ZBTB44: variants seen among roughly 807,000 people sequenced by gnomAD.
The protein encoded by ZBTB44 is zinc finger and BTB domain-containing protein 44.
In ZBTB44, 15 loss-of-function variants were observed where a neutral mutation model predicts 54.0. The observed-to-expected ratio is 0.28, with a 90% confidence interval of 0.19 to 0.43. The LOEUF is 0.43. ZBTB44 is among the 20% of genes least tolerant of loss of function. The probability of loss-of-function intolerance (pLI) is 1.00; values close to 1 mark genes in which losing one functional copy is unlikely to be tolerated. For synonymous variants in ZBTB44, 230 were observed against 250.1 expected (o/e 0.92, Z 0.76); for missense variants, 487 against 707.1 (o/e 0.69, Z 3.53).
In ZBTB44 at chr11:130,229,488, C is replaced by T. The variant is rs1392564767; in HGVS notation, c.*2276G>A. Reference sequence around the variant, plus strand: ...TATTGCTTTTGGCTAATTCATCTTGCTGAGGACTTTCCAAATAAAAATACT... The same window carrying T: ...TATTGCTTTTGGCTAATTCATCTTGTTGAGGACTTTCCAAATAAAAATACT... On this transcript the variant is annotated 3_prime_UTR_variant, in exon 8 of 8. Coordinates refer to ENST00000357899, the MANE Select transcript of ZBTB44 (RefSeq NM_001301098.2). The T allele has an allele frequency of 1.3e-5, 2 of 152,100 alleles. No homozygotes were observed. Among genetic ancestry groups the T allele is most frequent in the Non-Finnish European group, 2.9e-5 (2 of 68,006 alleles). The allele number at this position is 152,100 out of a possible 1,614,324, so 9.4% of individuals were successfully genotyped here. A position where few individuals can be genotyped will look rare whatever the true frequency, so the allele number is the denominator to read the frequency against.
intron 2 of ZBTB44, 66 bp from the exon 3 acceptor site, chr11:130,239,962 A>G: frequency 1.7e-6 from 2 of 1,143,652 alleles, no homozygotes; most frequent in South Asian, 2.6e-5. Context: ...TGTAACTGAA[A>G]GCTATATTAT....
chr11:130,290,791 C>T (rs1176267647), intron 1 of ZBTB44, among the ~76,000 whole-genome samples: 2 of 152,118 alleles, frequency 1.3e-5, no homozygotes, highest in East Asian at 1.9e-4. Flanking sequence ...TTATTATCTC[C>T]CATTACATTG....
intron 1 of ZBTB44, among the ~76,000 whole-genome samples, chr11:130,272,545 G>T (rs1346648792): frequency 6.6e-6 from 1 of 152,198 alleles, no homozygotes; most frequent in African/African-American, 2.4e-5. Context: ...CATTCTGTGG[G>T]TTGTCTTTTA....
At chr11:130,308,887 T>C (rs1009982374) in intron 1 of ZBTB44, among the ~76,000 whole-genome samples, 3 of 152,176 alleles carry the variant, frequency 2.0e-5, no homozygotes, top group South Asian at 2.1e-4. Flanking sequence ...GGAGTCCTAG[T>C]AAGGGAAAAG....
At position 130,314,840 on chromosome 11, in the gene ZBTB44, G is replaced by C. The variant is rs1367704070; in HGVS notation, c.-522C>G. On this transcript the variant is annotated 5_prime_UTR_variant, in exon 1 of 8. Transcript: ENST00000357899. ...GGTTGGGAGGGAGCCGCCGCCGCGC[G>C]CGTGCGGCCGGCGCCGCCGCCGTTG... Among the ~76,000 whole-genome samples the C allele has an allele frequency of 0.014, 2 of 144 alleles. No individual in the cohort carries two copies. The highest frequency in any genetic ancestry group is 0.045 in the Non-Finnish European group (2 of 44). 0.1% of individuals were successfully genotyped at this position (144 alleles called of 152,430 possible). A position where few individuals can be genotyped will look rare whatever the true frequency, so the allele number is the denominator to read the frequency against.
At position 130,237,096 on chromosome 11, in the gene ZBTB44, G is replaced by A. The variant is rs756789770; in HGVS notation, c.1268-3C>T. On this transcript the variant is annotated splice_polypyrimidine_tract_variant and splice_region_variant and intron_variant, in intron 4 of 7. Transcript: ENST00000357899. ...GTCACACTGAAATGGTTTAATTCCTGTAAATAAAGCAAAACAAAATATCTA... is the reference window on the plus strand; with the variant it reads ...GTCACACTGAAATGGTTTAATTCCTATAAATAAAGCAAAACAAAATATCTA... 25 of 1,500,488 alleles carry A rather than the reference G, an allele frequency of 1.7e-5. No homozygotes were observed. The highest frequency in any genetic ancestry group is 2.9e-5 in the African/African-American group (2 of 69,800). 92.9% of individuals were successfully genotyped at this position (1,500,488 alleles called of 1,614,324 possible). A position where few individuals can be genotyped will look rare whatever the true frequency, so the allele number is the denominator to read the frequency against.
intron 2 of ZBTB44, among the ~76,000 whole-genome samples, chr11:130,253,422 AT>A (rs1425191690): frequency 7.2e-5 from 11 of 152,218 alleles, no homozygotes; most frequent in African/African-American, 2.7e-4. Flanking sequence ...TTATATACCA[AT>A]AACAGAGAAA....
intron 2 of ZBTB44, among the ~76,000 whole-genome samples, chr11:130,250,130 C>T (rs35831163): frequency 0.12 from 18,216 of 152,180 alleles, 1,258 homozygotes; most frequent in African/African-American, 0.19. Flanking sequence ...TTTCCCCTGA[C>T]AGCGCTAAAA....
At chr11:130,236,062 C>G in intron 5 of ZBTB44, 6 of 1,137,922 alleles carry the variant, frequency 5.3e-6, no homozygotes, top group Non-Finnish European at 6.6e-6. Flanking sequence ...TTTAAAACAA[C>G]AGTTTTATAT....
At chr11:130,266,036 G>A (rs997251829) in intron 1 of ZBTB44, among the ~76,000 whole-genome samples, 1 of 152,218 alleles carries the variant, frequency 6.6e-6, no homozygotes, top group East Asian at 1.9e-4. Flanking sequence ...ACACATTTAG[G>A]AATTTCACAG....
chr11:130,279,308 TAAA>T (rs757969480), intron 1 of ZBTB44, among the ~76,000 whole-genome samples: 11 of 110,116 alleles, frequency 1.0e-4, no homozygotes, highest in Non-Finnish European at 1.2e-4. Flanking sequence ...TACTGTTATT[TAAA>T]AAAAAAAAAA....
intron 1 of ZBTB44, among the ~76,000 whole-genome samples, chr11:130,304,634 T>C (rs941857358): frequency 9.9e-5 from 15 of 151,960 alleles, no homozygotes; most frequent in African/African-American, 3.6e-4. Context: ...AAAAAAAATA[T>C]TGATTTTTCC....
Position 130,229,529 on chromosome 11 carries a change from C to T in ZBTB44, c.*2235G>A, listed in dbSNP as rs1262145272. ...TAAAAATACTCTGTCACCATACTGTCAAGCAAAAACGACAATGAAAGATAA... is the reference window on the plus strand; with the variant it reads ...TAAAAATACTCTGTCACCATACTGTTAAGCAAAAACGACAATGAAAGATAA... On this transcript the variant is annotated 3_prime_UTR_variant, in exon 8 of 8. Transcript: ENST00000357899. 1 of 152,006 alleles carries T rather than the reference C, an allele frequency of 6.6e-6. No homozygotes were observed. The highest frequency in any genetic ancestry group is 6.6e-5 in the Admixed American group (1 of 15,250). 9.4% of individuals were successfully genotyped at this position (152,006 alleles called of 1,614,324 possible). A position where few individuals can be genotyped will look rare whatever the true frequency, so the allele number is the denominator to read the frequency against.
At chr11:130,298,794 A>T (rs2134431164) in intron 1 of ZBTB44, among the ~76,000 whole-genome samples, 1 of 150,900 alleles carries the variant, frequency 6.6e-6, no homozygotes, top group African/African-American at 2.4e-5. Flanking sequence ...ACCTCTCTGC[A>T]ATTATAGAAC....
chr11:130,306,753 G>C (rs1942285217), intron 1 of ZBTB44, among the ~76,000 whole-genome samples: 1 of 152,118 alleles, frequency 6.6e-6, no homozygotes, highest in Non-Finnish European at 1.5e-5. Flanking sequence ...AACTTGGATG[G>C]AGTTGTAAGC....
At chr11:130,275,104 T>G (rs1939962579) in intron 1 of ZBTB44, among the ~76,000 whole-genome samples, 1 of 152,216 alleles carries the variant, frequency 6.6e-6, no homozygotes, top group Non-Finnish European at 1.5e-5. Flanking sequence ...TATAAAATTT[T>G]TCATAGTATT....
rs573990443 is a variant in ZBTB44 at position 130,241,786 on chromosome 11, T to G, written c.1019-1890A>C. Reference sequence around the variant, plus strand: ...TCTTTCCCTGTCTGAAATTATCTTATGAAAAGTATCATGTTTTGTGCCTTA... The same window carrying G: ...TCTTTCCCTGTCTGAAATTATCTTAGGAAAAGTATCATGTTTTGTGCCTTA... On this transcript the variant is annotated intron_variant, in intron 2 of 7. Transcript: ENST00000357899. 1.6e-3 allele frequency among the ~76,000 whole-genome samples: 246 copies of G among 152,358 alleles called. 1 individual carries two copies. The highest frequency in any genetic ancestry group is 2.4e-3 in the Non-Finnish European group (163 of 68,032).
rs996057514 is a variant in ZBTB44 at position 130,298,455 on chromosome 11, GTTTTTTT to G, written c.-57+15913_-57+15919del. On this transcript the variant is annotated intron_variant, in intron 1 of 7. Transcript: ENST00000357899. ...CCACCATGCCCGGCCAAAAGTTGAA[GTTTTTTT>G]TTTTTTTTTTTTTTTTTAAAGACTG... 1.5e-4 allele frequency among the ~76,000 whole-genome samples: 17 copies of G among 116,336 alleles called. No homozygotes were observed. In the East Asian group the frequency reaches 2.8e-3, roughly 19 times the overall value. The allele number at this position is 116,336 out of a possible 152,430, so 76.3% of individuals were successfully genotyped here.
At position 130,309,216 on chromosome 11, in the gene ZBTB44, C is replaced by A. The variant is rs376101124; in HGVS notation, c.-57+5159G>T. Among the ~76,000 whole-genome samples, 7 of 152,336 alleles carry A rather than the reference C, an allele frequency of 4.6e-5. No homozygotes were observed. In the East Asian group the frequency reaches 1.2e-3, roughly 25 times the overall value. ...TGCCCGTTGCACCCTTGCAACCAACCTACTTTCATACTTTCTCTAATAAAT... is the reference window on the plus strand; with the variant it reads ...TGCCCGTTGCACCCTTGCAACCAACATACTTTCATACTTTCTCTAATAAAT... On this transcript the variant is annotated intron_variant, in intron 1 of 7. Coordinates refer to ENST00000357899, the MANE Select transcript of ZBTB44 (RefSeq NM_001301098.2).
Sources: gnomAD v4.1 joint callset for allele counts (sites outside exome capture counted in the v4.1 genomes callset) on GRCh38, gnomAD v4.1.1 for gene constraint, MANE v1.5 for transcripts, NCBI Gene and HGNC (gene_info 2026-07-23, HGNC 2026-07-21) for gene names.